ALS2: variants seen among roughly 807,000 people sequenced by gnomAD.
ALS2 encodes alsin Rho guanine nucleotide exchange factor ALS2.
Under a neutral mutation model 203.4 loss-of-function variants are expected in ALS2, and 117 were observed. The ratio of observed to expected loss-of-function variants is 0.58; its 90% CI spans 0.50 to 0.67. The LOEUF is 0.67. Ranked by LOEUF, ALS2 falls within the 30% of genes least tolerant of loss-of-function variation. ALS2 has a pLI of 0.00. For synonymous variants in ALS2, 718 were observed against 725.9 expected (o/e 0.99, Z 0.17); for missense variants, 1,715 against 1,989.4 (o/e 0.86, Z 2.62).
Position 201,760,985 on chromosome 2 carries a change from G to A in ALS2, c.1009C>T (p.Pro337Ser), listed in dbSNP as rs752311938. 1.1e-5 allele frequency: 17 copies of A among 1,614,026 alleles called. No individual in the cohort carries two copies. The highest frequency in any genetic ancestry group is 5.3e-5 in the African/African-American group (4 of 74,910). The change falls in exon 4 of 34, where the codon CCA becomes TCA. Residue 337 changes from proline to serine, a missense_variant. Physicochemically the swap from Pro to Ser is moderately conservative, Grantham distance 74. Coordinates refer to ENST00000264276, the MANE Select transcript of ALS2 (RefSeq NM_020919.4). ...TTEISSARNI[P>S]SYPDTQAVNE... ...ACTGCTTGGGTGTCAGGGTATGATG[G>A]TATGTTTCTGGCAGAGGAAATTTCA...
chr2:201,770,185 A>G (rs1451225552), intron 1 of ALS2, among the ~76,000 whole-genome samples: 2 of 152,166 alleles, frequency 1.3e-5, no homozygotes, highest in Non-Finnish European at 2.9e-5. Context: ...TGGAGTTACT[A>G]CGCCCTTGAT....
chr2:201,741,923 T>A, intron 10 of ALS2, 69 bp from the exon 11 acceptor site: 2 of 1,328,466 alleles, frequency 1.5e-6, no homozygotes, highest in East Asian at 4.8e-5. Context: ...GATGTGATTA[T>A]GATTATGAAT....
rs758153067 is a variant in ALS2, at chr2:201,733,290, T to C, written c.2566A>G (p.Thr856Ala). 16 of 1,613,772 alleles carry C rather than the reference T, an allele frequency of 9.9e-6. No individual in the cohort carries two copies. Among genetic ancestry groups the C allele is most frequent in the Non-Finnish European group, 1.3e-5 (15 of 1,179,846 alleles). Residue 856 changes from threonine to alanine, a missense_variant, in exon 13 of 34, where the codon ACT becomes GCT. Coordinates refer to ENST00000264276, the MANE Select transcript of ALS2 (RefSeq NM_020919.4). ...TGGGAGCTTACCACTTCAAAACAAGTAGCAAGCTTTAGCAAAACTTTTGCG... is the reference window on the plus strand; with the variant it reads ...TGGGAGCTTACCACTTCAAAACAAGCAGCAAGCTTTAGCAAAACTTTTGCG... ...NYAKVLLKLA[T>A]CFEVASPEYQ...
chr2:201,739,757 A>G (rs1417252688), intron 11 of ALS2, among the ~76,000 whole-genome samples: 1 of 150,972 alleles, frequency 6.6e-6, no homozygotes, highest in Non-Finnish European at 1.5e-5. Flanking sequence ...AAAAAAAAAA[A>G]GAAAAAAGAA....
Position 201,757,548 on chromosome 2 carries a change from C to A in ALS2, c.1325G>T (p.Gly442Val), listed in dbSNP as rs780750146. The change falls in exon 5 of 34, where the codon GGC becomes GTC. Residue 442 changes from glycine to valine, a missense_variant. Coordinates refer to ENST00000264276, the MANE Select transcript of ALS2 (RefSeq NM_020919.4). Reference protein sequence around the residue: ...TGAQAGSSAIGPEGLKDSREE... With the variant: ...TGAQAGSSAIVPEGLKDSREE... ...CCTGCTATCTTTCAAACCTTCGGGG[C>A]CAATGGCACTACTGCCTGCCTGAGC... 1.9e-6 allele frequency: 3 copies of A among 1,614,150 alleles called. No individual in the cohort carries two copies. Among genetic ancestry groups the A allele is most frequent in the Non-Finnish European group, 2.5e-6 (3 of 1,180,014 alleles).
At chr2:201,769,342 AATTAACTCAG>A (rs1301523252) in intron 1 of ALS2, among the ~76,000 whole-genome samples, 1 of 152,232 alleles carries the variant, frequency 6.6e-6, no homozygotes, top group Non-Finnish European at 1.5e-5. Context: ...CTTAAATACC[AATTAACTCAG>A]ATTTTCTAAA....
At chr2:201,707,743 C>A in intron 28 of ALS2, 126 bp downstream of exon 28, 1 of 1,327,904 alleles carries the variant, frequency 7.5e-7, no homozygotes, top group South Asian at 1.2e-5. Context: ...CCCTCCTGGC[C>A]CCAACCATAT....
In ALS2 at chr2:201,757,707, G is replaced by A. The variant is rs1693482481; in HGVS notation, c.1166C>T (p.Thr389Ile). The A allele has an allele frequency of 6.2e-7, 1 of 1,613,514 alleles. No individual in the cohort carries two copies. Among genetic ancestry groups the A allele is most frequent in the South Asian group, 1.1e-5 (1 of 91,080 alleles). Residue 389 changes from threonine to isoleucine, a missense_variant, in exon 5 of 34, where the codon ACC (threonine) becomes ATC (isoleucine). This residue lies in a region of ALS2 where 476 missense variants were observed against 539.3 expected (regional missense o/e 0.88). Coordinates refer to ENST00000264276, the MANE Select transcript of ALS2 (RefSeq NM_020919.4). ...GACCACCAGGCTGTTTAGGGCTGAG[G>A]TGCTTGTGGTAGGCGGGCTGTGGAG... ...PNLHSPPTTS[T>I]SALNSLVVSC...
At chr2:201,721,547 T>C (rs1310663074) in intron 23 of ALS2, among the ~76,000 whole-genome samples, 1 of 152,134 alleles carries the variant, frequency 6.6e-6, no homozygotes, top group Non-Finnish European at 1.5e-5. Context: ...TGGGAAAAGG[T>C]GTTGGGAAAT....
rs780782128 is a variant in ALS2 at position 201,726,590 on chromosome 2, T to A, written c.3183-41A>T. 34 of 1,609,306 alleles carry A rather than the reference T, an allele frequency of 2.1e-5. No homozygotes were observed. In the African/African-American group the frequency reaches 4.4e-4, roughly 21 times the overall value. On this transcript the variant is annotated intron_variant, in intron 18 of 33. Transcript: ENST00000264276. The stretch of plus-strand genomic sequence containing the variant: ...AAAGAATAATGCATGTCAACTAATA[T>A]TTCAGATAATTAATACTTTTTCTAT...
intron 25 of ALS2, among the ~76,000 whole-genome samples, chr2:201,713,730 A>C (rs1158147885): frequency 6.8e-6 from 1 of 147,986 alleles, no homozygotes; most frequent in African/African-American, 2.5e-5. Flanking sequence ...GGTGTTTGTG[A>C]TTGCACATGT....
chr2:201,746,824 C>A (rs901144929), intron 8 of ALS2, 76 bp from the exon 9 acceptor site: 1 of 1,539,240 alleles, frequency 6.5e-7, no homozygotes, highest in African/African-American at 1.4e-5. Flanking sequence ...GGAACTGAAA[C>A]GTTAGGTTGC....
chr2:201,709,298 T>C (rs77618375), intron 27 of ALS2, among the ~76,000 whole-genome samples: 1,816 of 152,330 alleles, frequency 0.012, 36 homozygotes, highest in African/African-American at 0.039. Context: ...TTTTTCTCCA[T>C]AGTGCTAATC....
In ALS2 at chr2:201,724,392, G is replaced by A. The variant is rs767350733; in HGVS notation, c.3415C>T (p.Arg1139Ter). ...DNMRHGHGLL[R>*]SGKLTSSSPS... ...GAAGAGGACGTCAATTTCCCACTTC[G>A]TAGAAGACCATGACCATGACGCATA... The change falls in exon 21 of 34, where the codon CGA becomes TGA. Residue 1139 changes from arginine to a stop codon, truncating the protein, a stop_gained. Transcript: ENST00000264276. LOFTEE classifies it high-confidence loss of function. The A allele has an allele frequency of 3.2e-5, 52 of 1,613,580 alleles. No individual in the cohort carries two copies. The highest frequency in any genetic ancestry group is 6.6e-5 in the South Asian group (6 of 91,070).
At chr2:201,735,294 A>G (rs993152806) in intron 12 of ALS2, among the ~76,000 whole-genome samples, 1 of 152,218 alleles carries the variant, frequency 6.6e-6, no homozygotes, top group Admixed American at 6.5e-5. Flanking sequence ...TGGTTATACA[A>G]CATTGCGAAT....
At chr2:201,762,203 G>T (rs897323781) in intron 3 of ALS2, among the ~76,000 whole-genome samples, 1 of 152,112 alleles carries the variant, frequency 6.6e-6, no homozygotes, top group African/African-American at 2.4e-5. Context: ...CAAAAAATAA[G>T]ACAAAACAGA....
At chr2:201,727,659 G>A (rs1691271188) in intron 16 of ALS2, 46 bp downstream of exon 16, 1 of 1,246,358 alleles carries the variant, frequency 8.0e-7, no homozygotes, top group Non-Finnish European at 1.1e-6. Flanking sequence ...AGCAACCTGG[G>A]TAACAGACTT....
At chr2:201,762,235 T>C (rs1254331885) in intron 3 of ALS2, among the ~76,000 whole-genome samples, 1 of 152,194 alleles carries the variant, frequency 6.6e-6, no homozygotes, top group Non-Finnish European at 1.5e-5. Flanking sequence ...ATATCTACAA[T>C]TCACTACTAC....
At chr2:201,735,370 C>T (rs955958388) in intron 12 of ALS2, among the ~76,000 whole-genome samples, 3 of 152,108 alleles carry the variant, frequency 2.0e-5, no homozygotes, top group African/African-American at 4.8e-5. Context: ...ATAAATATGA[C>T]ATTACATATA....
Sources: allele counts gnomAD v4.1 joint callset (sites outside exome capture counted in the v4.1 genomes callset), GRCh38; gene constraint gnomAD v4.1.1; regional missense constraint gnomAD v4.1.1; transcripts MANE v1.5; gene names NCBI Gene and HGNC (gene_info 2026-07-23, HGNC 2026-07-21).